Variants in TMTC2 observed in about 807,000 individuals in gnomAD.
The protein encoded by TMTC2 is protein O-mannosyl-transferase TMTC2.
Under a neutral mutation model 82.4 loss-of-function variants are expected in TMTC2, and 43 were observed. The ratio of observed to expected loss-of-function variants is 0.52; its 90% CI spans 0.41 to 0.67. TMTC2 has a LOEUF of 0.67. Ranked by LOEUF, TMTC2 falls within the 30% of genes least tolerant of loss-of-function variation. The pLI, the probability that TMTC2 is intolerant of heterozygous loss-of-function variation, is 0.00. For synonymous variants in TMTC2, 408 were observed against 381.9 expected (o/e 1.07, Z -0.80); for missense variants, 919 against 1,012.4 (o/e 0.91, Z 1.25).
intron 1 of TMTC2, chr12:82,760,057 T>C (rs1876526977): frequency 6.6e-6 from 1 of 152,208 alleles, no homozygotes; most frequent in Non-Finnish European, 1.5e-5. Context: ...TTTCTTAGTT[T>C]TAATTTCTTT....
chr12:83,030,666 A>G, intron 8 of TMTC2, 132 bp from the exon 9 acceptor site: 2 of 641,772 alleles, frequency 3.1e-6, no homozygotes. Flanking sequence ...TCACATAGAT[A>G]AAAACAAAAA....
chr12:83,007,468 C>T (rs1880256682), intron 8 of TMTC2, among the ~76,000 whole-genome samples: 1 of 152,008 alleles, frequency 6.6e-6, no homozygotes. Context: ...GGTGGTTGCC[C>T]TGGAGTTTGT....
intron 3 of TMTC2, among the ~76,000 whole-genome samples, chr12:82,925,791 C>G (rs1875672056): frequency 6.6e-6 from 1 of 151,864 alleles, no homozygotes; most frequent in Non-Finnish European, 1.5e-5. Context: ...ATGGGCAACC[C>G]TATTCCTTGA....
chr12:82,910,414 C>T (rs79988624), intron 3 of TMTC2, among the ~76,000 whole-genome samples: 2 of 152,278 alleles, frequency 1.3e-5, no homozygotes, highest in East Asian at 3.9e-4. Flanking sequence ...ACGGCAGTGC[C>T]TAGGGGGTGA....
At chr12:82,736,086 G>A (rs1169583795) in intron 1 of TMTC2, among the ~76,000 whole-genome samples, 1 of 152,068 alleles carries the variant, frequency 6.6e-6, no homozygotes, top group Non-Finnish European at 1.5e-5. Context: ...CTGGTTGCTT[G>A]ATAGAAGACT....
chr12:83,099,724 C>CT (rs140078833), intron 11 of TMTC2, among the ~76,000 whole-genome samples: 3,529 of 147,456 alleles, frequency 0.024, 148 homozygotes, highest in African/African-American at 0.08. Flanking sequence ...ATGTTTTACC[C>CT]TTTTTTTTTT....
chr12:82,992,958 C>T (rs1879459550), intron 8 of TMTC2, among the ~76,000 whole-genome samples: 1 of 152,030 alleles, frequency 6.6e-6, no homozygotes, highest in Non-Finnish European at 1.5e-5. Flanking sequence ...GCTATATCTA[C>T]ATATATATGC....
chr12:82,716,518 C>T (rs994210109), intron 1 of TMTC2, among the ~76,000 whole-genome samples: 5 of 152,124 alleles, frequency 3.3e-5, no homozygotes, highest in African/African-American at 1.2e-4. Context: ...CGCGCGCCAC[C>T]ATGCCCGGCT....
At chr12:82,709,596 C>T (rs1364253612) in intron 1 of TMTC2, among the ~76,000 whole-genome samples, 1 of 151,960 alleles carries the variant, frequency 6.6e-6, no homozygotes, top group African/African-American at 2.4e-5. Flanking sequence ...ATTCTTAAAT[C>T]AGAAACCAGG....
intron 2 of TMTC2, among the ~76,000 whole-genome samples, chr12:82,876,981 C>T (rs115432170): frequency 6.6e-6 from 1 of 152,030 alleles, no homozygotes; most frequent in Admixed American, 6.6e-5. Context: ...TTTAAGAATG[C>T]TTTCCTTCTC....
chr12:83,100,090 T>G (rs1884165401), intron 11 of TMTC2, among the ~76,000 whole-genome samples: 2 of 152,016 alleles, frequency 1.3e-5, no homozygotes, highest in Non-Finnish European at 2.9e-5. Context: ...TGGCTAATTT[T>G]TGTATTTTTA....
chr12:82,777,700 G>A (rs1329565187), intron 1 of TMTC2, among the ~76,000 whole-genome samples: 2 of 152,070 alleles, frequency 1.3e-5, no homozygotes, highest in Non-Finnish European at 2.9e-5. Flanking sequence ...AGTAGCAAAC[G>A]TTTATATACC....
chr12:82,941,589 A>T (rs549088679), intron 4 of TMTC2, among the ~76,000 whole-genome samples: 3 of 152,240 alleles, frequency 2.0e-5, no homozygotes, highest in Admixed American at 6.5e-5. Flanking sequence ...ATTACTGGCC[A>T]TGTGTTCTTA....
At chr12:82,691,821 G>T (rs1203153966) in intron 1 of TMTC2, among the ~76,000 whole-genome samples, 2 of 152,126 alleles carry the variant, frequency 1.3e-5, no homozygotes, top group Non-Finnish European at 2.9e-5. Flanking sequence ...AAGTAAGGGA[G>T]AAGCTCTCTT....
chr12:83,035,312 A>G (rs1881618219), intron 9 of TMTC2, among the ~76,000 whole-genome samples: 1 of 152,132 alleles, frequency 6.6e-6, no homozygotes, highest in Admixed American at 6.6e-5. Context: ...CCTTTTTAAA[A>G]TTTTTTTCAG....
intron 9 of TMTC2, among the ~76,000 whole-genome samples, chr12:83,045,112 G>A (rs1304850532): frequency 6.6e-6 from 1 of 152,146 alleles, no homozygotes; most frequent in Non-Finnish European, 1.5e-5. Context: ...TTACTCTGAT[G>A]TTGAAACAGT....
intron 1 of TMTC2, among the ~76,000 whole-genome samples, chr12:82,792,903 G>A (rs1396577307): frequency 6.6e-6 from 1 of 151,938 alleles, no homozygotes; most frequent in African/African-American, 2.4e-5. Context: ...GCTTAATTAT[G>A]GTAAATTAAA....
chr12:82,805,677 T>G lies in TMTC2; in HGVS notation c.84-51333T>G, dbSNP rs527493236. 3.3e-5 allele frequency among the ~76,000 whole-genome samples: 5 copies of G among 151,910 alleles called. No individual in the cohort carries two copies. In the East Asian group the frequency reaches 9.7e-4, roughly 29 times the overall value. ...CACCTGGCACCACGCCCGGCTTTTT[T>G]TGTATTTTTAGTAGAGACGGGGTTT... On this transcript the variant is annotated intron_variant, in intron 1 of 11. Transcript: ENST00000321196.
intron 11 of TMTC2, among the ~76,000 whole-genome samples, chr12:83,062,459 A>G (rs1882777604): frequency 6.6e-6 from 1 of 151,698 alleles, no homozygotes; most frequent in African/African-American, 2.4e-5. Flanking sequence ...ACATCTCTGA[A>G]CTCCAACACA....
Sources: allele counts gnomAD v4.1 joint callset (sites outside exome capture counted in the v4.1 genomes callset), GRCh38; gene constraint gnomAD v4.1.1; transcripts MANE v1.5; gene names NCBI Gene and HGNC (gene_info 2026-07-23, HGNC 2026-07-21).